Variants in MMP12 observed in about 807,000 individuals in gnomAD.
MMP12 encodes the protein macrophage metalloelastase.
MMP12 carries 51 observed loss-of-function variants against 45.2 expected under a neutral mutation model. That is an observed-to-expected ratio of 1.13 (90% CI 0.90 to 1.42). MMP12 has a LOEUF of 1.42. MMP12 is among the 40% of genes most tolerant of loss of function. The pLI, the probability that MMP12 is intolerant of heterozygous loss-of-function variation, is 0.00. For synonymous variants in MMP12, 210 were observed against 193.3 expected (o/e 1.09, Z -0.72); for missense variants, 530 against 570.8 (o/e 0.93, Z 0.73).
At chr11:102,867,201 A>C (rs1859404335) in intron 6 of MMP12, 69 bp downstream of exon 6, 1 of 1,361,482 alleles carries the variant, frequency 7.3e-7, no homozygotes, top group African/African-American at 1.5e-5. Context: ...ATTATTTTCC[A>C]CTGTTTTCTG....
At chr11:102,868,161 AG>A in intron 4 of MMP12, 92 bp from the exon 5 acceptor site, 2 of 1,137,760 alleles carry the variant, frequency 1.8e-6, no homozygotes, top group Non-Finnish European at 2.5e-6. Flanking sequence ...GAAAGATTTG[AG>A]AATCTTTTAC....
rs781830572 is a variant in MMP12, at chr11:102,866,535, C to T, written c.912-87G>A. The stretch of plus-strand genomic sequence containing the variant: ...TGAATGGGAGGGAACTGTGAAAAGA[C>T]CCAATATTTCTTTCCATTGTCTTCA... On this transcript the variant is annotated intron_variant, in intron 6 of 9. Transcript: ENST00000571244. 8.8e-6 allele frequency: 12 copies of T among 1,364,822 alleles called. No homozygotes were observed. The South Asian group carries it at 1.1e-4, about 12-fold the overall frequency. 84.5% of individuals were successfully genotyped at this position (1,364,822 alleles called of 1,614,324 possible). A position where few individuals can be genotyped will look rare whatever the true frequency, so the allele number is the denominator to read the frequency against.
Position 102,867,327 on chromosome 11 carries a change from T to A in MMP12, c.854A>T (p.Asn285Ile), listed in dbSNP as rs782110058. The change falls in exon 6 of 10, where the codon AAT (asparagine) becomes ATT (isoleucine). Residue 285 changes from asparagine to isoleucine, a missense_variant. Coordinates refer to ENST00000571244, the MANE Select transcript of MMP12 (RefSeq NM_002426.6). The part of the protein sequence containing the change: ...DNSEPALCDP[N>I]LSFDAVTTVG... The stretch of plus-strand genomic sequence containing the variant: ...GGTAGTGACAGCATCAAAACTCAAA[T>A]TGGGGTCACAGAGAGCTGGTTCTGA... 6.2e-7 allele frequency: 1 copy of A among 1,610,908 alleles called. No homozygotes were observed. Among genetic ancestry groups the A allele is most frequent in the Admixed American group, 1.7e-5 (1 of 59,592 alleles).
rs181741154 is a variant in MMP12 at position 102,866,348 on chromosome 11, T to C, written c.1012A>G (p.Ile338Val). ...LPSGIEAAYE[I>V]EARNQVFLFK... ...AGAAAAACTTGATTTCTGGCTTCAA[T>C]TTCATAAGCAGCTTCAATGCCAGAT... is the stretch of plus-strand genomic sequence containing the variant. Residue 338 changes from isoleucine to valine, a missense_variant, in exon 7 of 10, where the codon ATT (isoleucine) becomes GTT (valine). Coordinates refer to ENST00000571244, the MANE Select transcript of MMP12 (RefSeq NM_002426.6). The C allele has an allele frequency of 4.7e-5, 75 of 1,594,764 alleles. No individual in the cohort carries two copies. In the East Asian group the frequency reaches 1.6e-3, roughly 34 times the overall value.
At chr11:102,868,223 A>G (rs1266513783) in intron 4 of MMP12, among the ~76,000 whole-genome samples, 154 bp from the exon 5 acceptor site, 2 of 152,208 alleles carry the variant, frequency 1.3e-5, no homozygotes, top group Non-Finnish European at 2.9e-5. Context: ...CACTTCTGAC[A>G]TTACAGTTCA....
intron 4 of MMP12, among the ~76,000 whole-genome samples, chr11:102,869,803 C>T (rs1275224870): frequency 6.6e-6 from 1 of 151,686 alleles, no homozygotes; most frequent in Non-Finnish European, 1.5e-5. Flanking sequence ...AATATAATCC[C>T]AGTTAGTCAG....
intron 4 of MMP12, among the ~76,000 whole-genome samples, chr11:102,871,248 C>A (rs1216513995): frequency 6.6e-6 from 1 of 151,986 alleles, no homozygotes; most frequent in African/African-American, 2.4e-5. Context: ...AAACTTACCA[C>A]CTAATTAACA....
At chr11:102,872,349 C>CT (rs781976761) in intron 2 of MMP12, among the ~76,000 whole-genome samples, 112 of 149,556 alleles carry the variant, frequency 7.5e-4, no homozygotes, top group East Asian at 3.7e-3. Flanking sequence ...ATTTTTTTTT[C>CT]TTTTTTTTTG....
intron 4 of MMP12, among the ~76,000 whole-genome samples, chr11:102,869,675 C>T (rs886412552): frequency 6.6e-6 from 1 of 151,842 alleles, no homozygotes; most frequent in Admixed American, 6.6e-5. Context: ...CTTTGGGAGA[C>T]CAAGGCAGGC....
chr11:102,873,771 G>A (rs1859544532), intron 1 of MMP12, among the ~76,000 whole-genome samples: 1 of 152,136 alleles, frequency 6.6e-6, no homozygotes, highest in Non-Finnish European at 1.5e-5. Flanking sequence ...GTGCATACCG[G>A]TAATCCCAGC....
chr11:102,867,421 TA>T, intron 5 of MMP12, 28 bp from the exon 6 acceptor site: 1 of 1,588,500 alleles, frequency 6.3e-7, no homozygotes, highest in South Asian at 1.2e-5. Flanking sequence ...GAAGCATTAG[TA>T]AACAAAATCT....
rs1859370343 is a variant in MMP12 at position 102,865,614 on chromosome 11, C to T, written c.1205+162G>A. 6.6e-6 allele frequency among the ~76,000 whole-genome samples: 1 copy of T among 152,002 alleles called. No homozygotes were observed. Among genetic ancestry groups the T allele is most frequent in the Non-Finnish European group, 1.5e-5 (1 of 67,992 alleles). On this transcript the variant is annotated intron_variant, in intron 8 of 9. Transcript: ENST00000571244. The surrounding 1 kb of genome is among the most constrained non-coding windows in gnomAD (Gnocchi z 4.1). The stretch of plus-strand genomic sequence containing the variant: ...TATCAGAAACCAAAAACACAAAGAA[C>T]TAAGTTGACAATAACTATTTCAGTC...
Position 102,865,714 on chromosome 11 carries a change from A to C in MMP12, c.1205+62T>G. On this transcript the variant is annotated intron_variant, in intron 8 of 9. Coordinates refer to ENST00000571244, the MANE Select transcript of MMP12 (RefSeq NM_002426.6). This position sits in a 1 kb window ranked among gnomAD's most constrained non-coding sequence, Gnocchi z 4.1. ...TTGCGCAGAAAATGTGCCTTCTAGA[A>C]AGCCTCATTCCATATCTGTTTCACA... 7.1e-7 allele frequency: 1 copy of C among 1,408,890 alleles called. No individual in the cohort carries two copies. The highest frequency in any genetic ancestry group is 9.6e-7 in the Non-Finnish European group (1 of 1,046,428). The allele number at this position is 1,408,890 out of a possible 1,614,324, so 87.3% of individuals were successfully genotyped here. A position where few individuals can be genotyped will look rare whatever the true frequency, so the allele number is the denominator to read the frequency against.
chr11:102,868,024 A>G lies in MMP12; in HGVS notation c.671T>C (p.Leu224Ser), dbSNP rs782439161. The G allele has an allele frequency of 1.2e-6, 2 of 1,604,628 alleles. No individual in the cohort carries two copies. The highest frequency in any genetic ancestry group is 1.7e-6 in the Non-Finnish European group (2 of 1,175,522). Reference sequence around the variant, plus strand: ...TGGATCACTAGAATGGCCAAGACCTAAGGAATGGCCAATCTCGTGAACAGC... The same window carrying G: ...TGGATCACTAGAATGGCCAAGACCTGAGGAATGGCCAATCTCGTGAACAGC... ...LTAVHEIGHS[L>S]GLGHSSDPKA... is the part of the protein sequence containing the mutation. The change falls in exon 5 of 10, where the codon TTA becomes TCA. Residue 224 changes from leucine to serine, a missense_variant. Transcript: ENST00000571244.
chr11:102,873,144 A>C, intron 1 of MMP12, 32 bp from the exon 2 acceptor site: 3 of 1,589,764 alleles, frequency 1.9e-6, no homozygotes, highest in Non-Finnish European at 2.6e-6. Flanking sequence ...GCAATGTGTA[A>C]GTACACACAG....
At chr11:102,872,654 T>TAA (rs2134424230) in intron 2 of MMP12, among the ~76,000 whole-genome samples, 1 of 152,322 alleles carries the variant, frequency 6.6e-6, no homozygotes, top group Non-Finnish European at 1.5e-5. Context: ...TTGCAGCTTT[T>TAA]AAAATCTGCT....
At chr11:102,867,195 T>A in intron 6 of MMP12, 75 bp downstream of exon 6, 1 of 1,324,316 alleles carries the variant, frequency 7.6e-7, no homozygotes, top group Non-Finnish European at 1.0e-6. Flanking sequence ...TTTTCAATTA[T>A]TTTCCACTGT....
chr11:102,874,121 TA>T (rs1206503237), intron 1 of MMP12, among the ~76,000 whole-genome samples: 4 of 151,856 alleles, frequency 2.6e-5, no homozygotes, highest in East Asian at 1.9e-4. Flanking sequence ...ATTTCTTGCT[TA>T]AAAACTCAAA....
At position 102,871,619 on chromosome 11, in the gene MMP12, G is replaced by A. The variant is rs199824337; in HGVS notation, c.600C>T (p.Asp200=). The change falls in exon 4 of 10, where the codon GAC becomes GAT. Residue 200 remains aspartate, a synonymous_variant. Coordinates refer to ENST00000571244, the MANE Select transcript of MMP12 (RefSeq NM_002426.6). The part of the protein sequence containing the change: ...GIGGDAHFDE[D]EFWTTHSGGT... ...CTCCTGAATGTGTAGTCCAGAATTC[G>A]TCCTCATCGAAATGTGCATCCCCTC... 4.1e-5 allele frequency: 64 copies of A among 1,558,324 alleles called. No individual in the cohort carries two copies. The South Asian group carries it at 5.3e-4, about 13-fold the overall frequency.
Sources: allele counts gnomAD v4.1 joint callset (sites outside exome capture counted in the v4.1 genomes callset), GRCh38; gene constraint gnomAD v4.1.1; non-coding constraint Gnocchi (gnomAD v3.1); transcripts MANE v1.5; gene names NCBI Gene and HGNC (gene_info 2026-07-23, HGNC 2026-07-21).